The following ACSBG2 variants were observed in gnomAD, a reference collection of about 807,000 sequenced individuals.
ACSBG2 encodes the protein acyl-CoA synthetase bubblegum family member 2, also known as long-chain-fatty-acid--CoA ligase ACSBG2.
A neutral mutation model predicts 74.7 loss-of-function variants in ACSBG2; 62 were observed. The ratio of observed to expected loss-of-function variants is 0.83; its 90% CI spans 0.68 to 1.03. ACSBG2 has a LOEUF of 1.03. Ranked by LOEUF, ACSBG2 falls within the 50% of genes least tolerant of loss-of-function variation. The pLI, the probability that ACSBG2 is intolerant of heterozygous loss-of-function variation, is 0.00. For missense variants in ACSBG2, 730 were observed against 817.6 expected, an observed-to-expected ratio of 0.89 and a Z score of 1.31; for synonymous variants, 309 against 294.1, an observed-to-expected ratio of 1.05 and a Z score of -0.52.
At chr19:6,160,048 T>A (rs1001581746) in intron 5 of ACSBG2, among the ~76,000 whole-genome samples, 1 of 152,114 alleles carries the variant, frequency 6.6e-6, no homozygotes, top group African/African-American at 2.4e-5. Context: ...TGGCTAGAAG[T>A]GTCATAGAGA....
At chr19:6,151,609 C>T in intron 3 of ACSBG2, 98 bp from the exon 4 acceptor site, 3 of 1,192,464 alleles carry the variant, frequency 2.5e-6, no homozygotes, top group East Asian at 5.1e-5. Context: ...CTGCGCCTGG[C>T]CTCCATGTGA....
chr19:6,159,353 G>A (rs74655191), intron 5 of ACSBG2, among the ~76,000 whole-genome samples: 4,467 of 152,252 alleles, frequency 0.029, 133 homozygotes, highest in African/African-American at 0.075. Flanking sequence ...GGGTGCTGGT[G>A]GGTGGGTGGG....
intron 1 of ACSBG2, among the ~76,000 whole-genome samples, chr19:6,137,091 AT>A (rs1220495753): frequency 6.6e-6 from 1 of 151,710 alleles, no homozygotes; most frequent in Non-Finnish European, 1.5e-5. Context: ...TTATTTGCCC[AT>A]TTTGCATTGC....
intron 10 of ACSBG2, among the ~76,000 whole-genome samples, chr19:6,184,860 A>AAAAAAAACAAAC (rs1568254742): frequency 7.0e-6 from 1 of 142,270 alleles, no homozygotes; most frequent in African/African-American, 2.7e-5. Context: ...AAAAAAAAAA[A>AAAAAAAACAAAC]AAAAAAAAAA....
At chr19:6,182,723 G>A (rs879642988) in intron 8 of ACSBG2, 28 bp from the exon 9 acceptor site, 2 of 1,607,190 alleles carry the variant, frequency 1.2e-6, no homozygotes, top group African/African-American at 1.3e-5. Flanking sequence ...AGGCCCTGCT[G>A]TGGCTAACCT....
At chr19:6,191,348 A>C (rs1409732461) in intron 14 of ACSBG2, 1 of 152,092 alleles carries the variant, frequency 6.6e-6, no homozygotes, top group Non-Finnish European at 1.5e-5. Context: ...ACTTGTTCTA[A>C]TGCCACCAGC....
At chr19:6,181,101 G>GT (rs1330156073) in intron 8 of ACSBG2, among the ~76,000 whole-genome samples, 1 of 150,276 alleles carries the variant, frequency 6.7e-6, no homozygotes, top group African/African-American at 2.4e-5. Context: ...GTGTGCACCT[G>GT]TAAGCCCAGC....
At chr19:6,142,142 T>G (rs1019940023) in intron 2 of ACSBG2, among the ~76,000 whole-genome samples, 1 of 152,196 alleles carries the variant, frequency 6.6e-6, no homozygotes, top group East Asian at 1.9e-4. Flanking sequence ...CACTTGCTCT[T>G]TGGAGGCCTC....
rs762914921 is a variant in ACSBG2 at position 6,161,220 on chromosome 19, A to G, written c.513A>G (p.Pro171=). Residue 171 remains proline, a synonymous_variant, in exon 6 of 15, where the codon CCA becomes CCG. Coordinates refer to ENST00000588485, the MANE Select transcript of ACSBG2 (RefSeq NM_030924.5). ...DQQLQKILSI[P]QSSLEPLKAI... The stretch of plus-strand genomic sequence containing the variant: ...CACAGGGAACTTTCTTTCAGATTCC[A>G]CAGAGCAGCCTAGAGCCCCTAAAAG... 6.8e-6 allele frequency: 11 copies of G among 1,613,192 alleles called. No individual in the cohort carries two copies. The East Asian group carries it at 2.2e-4, about 33-fold the overall frequency.
chr19:6,190,843 A>ACC, intron 14 of ACSBG2, 151 bp downstream of exon 14: 1 of 559,124 alleles, frequency 1.8e-6, no homozygotes, highest in Admixed American at 2.9e-5. Flanking sequence ...ACACACACAC[A>ACC]CACACACACT....
Position 6,148,427 on chromosome 19 carries a change from C to T in ACSBG2, c.297+752C>T, listed in dbSNP as rs143055177. 523 of 152,590 alleles carry T rather than the reference C, an allele frequency of 3.4e-3. 1 individual carries two copies. The highest frequency in any genetic ancestry group is 0.01 in the Middle Eastern group (3 of 296). The allele number at this position is 152,590 out of a possible 1,614,324, so 9.5% of individuals were successfully genotyped here. Reference sequence around the variant, plus strand: ...TTGGGACATCGAGGCAGGAGGATCACTGAGCCCAGGAGTTCAAGACCAGCC... The same window carrying T: ...TTGGGACATCGAGGCAGGAGGATCATTGAGCCCAGGAGTTCAAGACCAGCC... On this transcript the variant is annotated intron_variant, in intron 3 of 14. Transcript: ENST00000588485.
chr19:6,168,739 T>C (rs2089883671), intron 7 of ACSBG2, among the ~76,000 whole-genome samples: 1 of 152,206 alleles, frequency 6.6e-6, no homozygotes, highest in Admixed American at 6.5e-5. Flanking sequence ...CTGGTTTTTT[T>C]CTTATTAAGT....
At chr19:6,186,431 T>C (rs77535622) in intron 11 of ACSBG2, among the ~76,000 whole-genome samples, 2,736 of 152,356 alleles carry the variant, frequency 0.018, 54 homozygotes, top group African/African-American at 0.046. Context: ...TAGCTTTTGG[T>C]TATACAAAAT....
intron 1 of ACSBG2, chr19:6,137,413 C>A (rs551628047): frequency 6.5e-6 from 1 of 152,818 alleles, no homozygotes; most frequent in African/African-American, 2.4e-5. Context: ...AGGACTGCAC[C>A]TGGTGAGTTG....
chr19:6,185,745 A>G, intron 11 of ACSBG2, 92 bp downstream of exon 11: 1 of 1,318,398 alleles, frequency 7.6e-7, no homozygotes, highest in Non-Finnish European at 1.1e-6. Flanking sequence ...GGCCACCCCC[A>G]GTTCCTCACC....
intron 6 of ACSBG2, among the ~76,000 whole-genome samples, chr19:6,162,362 C>T (rs978493711): frequency 1.3e-5 from 2 of 150,132 alleles, no homozygotes; most frequent in African/African-American, 4.9e-5. Flanking sequence ...GTCAGAAGAT[C>T]GAGACCATCC....
chr19:6,155,448 T>C (rs1011268318), intron 4 of ACSBG2, among the ~76,000 whole-genome samples: 2 of 151,970 alleles, frequency 1.3e-5, no homozygotes, highest in Non-Finnish European at 2.9e-5. Context: ...AGTTGCCAAA[T>C]AGGACTTTAT....
intron 11 of ACSBG2, 60 bp downstream of exon 11, chr19:6,185,713 G>A: frequency 6.3e-7 from 1 of 1,582,490 alleles, no homozygotes; most frequent in South Asian, 1.1e-5. Context: ...GAACATTTAA[G>A]GGCCCAGGGT....
At chr19:6,151,606 T>G in intron 3 of ACSBG2, 101 bp from the exon 4 acceptor site, 2 of 1,155,634 alleles carry the variant, frequency 1.7e-6, no homozygotes, top group Non-Finnish European at 2.5e-6. Flanking sequence ...CCACTGCGCC[T>G]GGCCTCCATG....
Sources: gnomAD v4.1 joint callset for allele counts (sites outside exome capture counted in the v4.1 genomes callset) on GRCh38, gnomAD v4.1.1 for gene constraint, MANE v1.5 for transcripts, NCBI Gene and HGNC (gene_info 2026-07-23, HGNC 2026-07-21) for gene names.